The following COL9A1 variants were observed in gnomAD, a reference collection of about 807,000 sequenced individuals.
COL9A1 encodes the protein collagen type IX alpha 1 chain, also known as collagen alpha-1(IX) chain.
Under a neutral mutation model 142.6 loss-of-function variants are expected in COL9A1, and 104 were observed. The ratio of observed to expected loss-of-function variants is 0.73; its 90% confidence interval spans 0.62 to 0.86. COL9A1 has a LOEUF of 0.86. Among genes scored for constraint, COL9A1 ranks in the 40% least tolerant of loss-of-function variants. The pLI, the probability that COL9A1 is intolerant of heterozygous loss-of-function variation, is 0.00. For missense variants in COL9A1, 1,210 were observed against 1,176.6 expected, an observed-to-expected ratio of 1.03 and a Z score of -0.42; for synonymous variants, 466 against 396.0, an observed-to-expected ratio of 1.18 and a Z score of -2.10.
At chr6:70,277,609 A>C (rs1368050815) in intron 10 of COL9A1, among the ~76,000 whole-genome samples, 2 of 152,240 alleles carry the variant, frequency 1.3e-5, no homozygotes, top group Non-Finnish European at 2.9e-5. Flanking sequence ...AGAGAAAACC[A>C]GTCCTCAATG....
rs1011072722 is a variant in COL9A1, at chr6:70,280,704, G to C, written c.975+108C>G. 5.7e-5 allele frequency: 81 copies of C among 1,420,040 alleles called. No homozygotes were observed. The South Asian group carries it at 9.7e-4, about 17-fold the overall frequency. The allele number at this position is 1,420,040 out of a possible 1,614,324, so 88.0% of individuals were successfully genotyped here. On this transcript the variant is annotated intron_variant, in intron 10 of 37. Coordinates refer to ENST00000357250, the MANE Select transcript of COL9A1 (RefSeq NM_001851.6). ...GAGGCCAAGTTTAGAGCCACAGCGC[G>C]TTCTCTCTCTCTCTTTCTCTCTCTC...
At position 70,302,989 on chromosome 6, in the gene COL9A1, T is replaced by C; in HGVS notation, c.-65A>G. 6.5e-7 allele frequency: 1 copy of C among 1,536,914 alleles called. No homozygotes were observed. On this transcript the variant is annotated 5_prime_UTR_variant, in exon 1 of 38. Coordinates refer to ENST00000357250, the MANE Select transcript of COL9A1 (RefSeq NM_001851.6). The stretch of plus-strand genomic sequence containing the variant: ...GAAGAAGGGGTTGGAAGGGAGTCAC[T>C]GTCCCCTCACGACCCCTTCACTGTT...
chr6:70,227,000 AG>A (rs1769271459), intron 36 of COL9A1, among the ~76,000 whole-genome samples: 1 of 152,152 alleles, frequency 6.6e-6, no homozygotes, highest in African/African-American at 2.4e-5. Flanking sequence ...CAGAATAGAA[AG>A]CCCAAAAAGT....
chr6:70,269,940 A>G (rs1408090797), intron 15 of COL9A1, among the ~76,000 whole-genome samples: 2 of 152,240 alleles, frequency 1.3e-5, no homozygotes, highest in Admixed American at 6.5e-5. Context: ...ACAAATAAAA[A>G]TATGAATTAC....
intron 4 of COL9A1, among the ~76,000 whole-genome samples, chr6:70,296,701 T>C (rs918455379): frequency 6.6e-6 from 1 of 152,234 alleles, no homozygotes; most frequent in East Asian, 1.9e-4. Flanking sequence ...CTCAATAAAT[T>C]TGGAGCTGGG....
At position 70,254,526 on chromosome 6, in the gene COL9A1, C is replaced by G. The variant is rs1460101648; in HGVS notation, c.1669G>C (p.Glu557Gln). The G allele has an allele frequency of 6.2e-7, 1 of 1,613,974 alleles. No individual in the cohort carries two copies. The highest frequency in any genetic ancestry group is 1.1e-5 in the South Asian group (1 of 91,070). The change falls in exon 25 of 38, where the codon GAA becomes CAA. Residue 557 changes from glutamate to glutamine, a missense_variant. By Grantham distance (29) the Glu-to-Gln change is conservative (BLOSUM62 2). Coordinates refer to ENST00000357250, the MANE Select transcript of COL9A1 (RefSeq NM_001851.6). ...CCAGGAGGCCCAGGTTTTCCTGGTT[C>G]ACCCTGCAAAAAAAGCTTTTATCAC... The part of the protein sequence containing the change: ...GIPGMPGTKG[E>Q]PGKPGPPGDA...
intron 28 of COL9A1, among the ~76,000 whole-genome samples, chr6:70,250,754 A>G (rs1402631816): frequency 6.6e-6 from 1 of 152,244 alleles, no homozygotes; most frequent in Non-Finnish European, 1.5e-5. Flanking sequence ...GCCTTTGAAA[A>G]TAAGAACTGA....
chr6:70,282,774 G>T (rs1450355007), intron 7 of COL9A1, 124 bp downstream of exon 7: 1 of 1,438,760 alleles, frequency 7.0e-7, no homozygotes, highest in South Asian at 1.2e-5. Context: ...CGAGGCTGGA[G>T]GAAGCGCGGG....
At chr6:70,274,140 G>C (rs999213182) in intron 11 of COL9A1, 58 bp from the exon 12 acceptor site, 2 of 1,341,266 alleles carry the variant, frequency 1.5e-6, no homozygotes, top group Non-Finnish European at 2.1e-6. Context: ...ATGTAAATGT[G>C]AAAACTGCAT....
chr6:70,287,824 C>T (rs1171154459), intron 5 of COL9A1, among the ~76,000 whole-genome samples: 1 of 152,208 alleles, frequency 6.6e-6, no homozygotes, highest in Admixed American at 6.5e-5. Context: ...CAGGGCACCA[C>T]AATCTCCTGG....
chr6:70,299,454 CACTT>C (rs1773972759), intron 4 of COL9A1, among the ~76,000 whole-genome samples: 1 of 152,140 alleles, frequency 6.6e-6, no homozygotes, highest in Admixed American at 6.5e-5. Flanking sequence ...CAGGACTCAA[CACTT>C]ACACACTAAA....
At position 70,234,083 on chromosome 6, in the gene COL9A1, C is replaced by T. The variant is rs115629695; in HGVS notation, c.2314+456G>A. Reference sequence around the variant, plus strand: ...TTTTTACATATGTGTACATGAATGGCGATAATGTCCTTATGCTTCCTATGG... The same window carrying T: ...TTTTTACATATGTGTACATGAATGGTGATAATGTCCTTATGCTTCCTATGG... On this transcript the variant is annotated intron_variant, in intron 35 of 37. Coordinates refer to ENST00000357250, the MANE Select transcript of COL9A1 (RefSeq NM_001851.6). Among the ~76,000 whole-genome samples, 689 of 152,216 alleles carry T rather than the reference C, an allele frequency of 4.5e-3. 3 individuals carry two copies. The highest frequency in any genetic ancestry group is 0.014 in the African/African-American group (588 of 41,534).
chr6:70,217,391 G>A (rs1768594328), intron 37 of COL9A1, among the ~76,000 whole-genome samples: 1 of 152,150 alleles, frequency 6.6e-6, no homozygotes, highest in Admixed American at 6.5e-5. Context: ...GAGCTGAAAT[G>A]TGATGAGGCC....
chr6:70,223,502 C>T (rs1583201526), intron 37 of COL9A1, among the ~76,000 whole-genome samples: 1 of 152,202 alleles, frequency 6.6e-6, no homozygotes, highest in East Asian at 1.9e-4. Context: ...GTAGATGCCA[C>T]TCTTCAAACA....
chr6:70,256,708 G>T, intron 21 of COL9A1, 60 bp downstream of exon 21: 2 of 1,386,170 alleles, frequency 1.4e-6, no homozygotes, highest in Non-Finnish European at 2.0e-6. Flanking sequence ...GCACACACAT[G>T]CATACATAGC....
chr6:70,268,722 A>G, intron 17 of COL9A1, 82 bp downstream of exon 17: 3 of 1,291,984 alleles, frequency 2.3e-6, no homozygotes, highest in Non-Finnish European at 3.3e-6. Context: ...GGGTCTCTGC[A>G]CCAGGAAGGC....
rs149203256 is a variant in COL9A1, at chr6:70,287,308, AAAT to A, written c.697-3491_697-3489del. On this transcript the variant is annotated intron_variant, in intron 5 of 37. Transcript: ENST00000357250. The stretch of plus-strand genomic sequence containing the variant: ...CCTTGACTTCAGGGCTAAGGAATTT[AAAT>A]ATTATTTGGTATATTATTATTAAAT... Among the ~76,000 whole-genome samples, 630 of 152,242 alleles carry A rather than the reference AAAT, an allele frequency of 4.1e-3. 3 individuals carry two copies. The highest frequency in any genetic ancestry group is 0.014 in the African/African-American group (594 of 41,546).
rs1769618180 is a variant in COL9A1 at position 70,232,580 on chromosome 6, T to C, written c.2503+3A>G. On this transcript the variant is annotated splice_donor_region_variant and intron_variant, in intron 36 of 37. Transcript: ENST00000357250. ...TTGGTTCCACATGGGCAAGATGACT[T>C]ACCTTTAGGTCCCCTCAAACCAAGA... 2 of 1,613,582 alleles carry C rather than the reference T, an allele frequency of 1.2e-6. No individual in the cohort carries two copies. Among genetic ancestry groups the C allele is most frequent in the South Asian group, 1.1e-5 (1 of 91,068 alleles).
chr6:70,224,540 T>C (rs1223627029), intron 37 of COL9A1, among the ~76,000 whole-genome samples: 1 of 152,232 alleles, frequency 6.6e-6, no homozygotes. Flanking sequence ...GTCAATAAAA[T>C]GAGAGAAGAA....
Sources: allele counts gnomAD v4.1 joint callset (sites outside exome capture counted in the v4.1 genomes callset), GRCh38; gene constraint gnomAD v4.1.1; transcripts MANE v1.5; gene names NCBI Gene and HGNC (gene_info 2026-07-23, HGNC 2026-07-21).